The following ZFPM2 variants were observed in gnomAD, a reference collection of about 807,000 sequenced individuals.
The protein encoded by ZFPM2 is zinc finger protein ZFPM2.
ZFPM2 carries 20 observed loss-of-function variants against 98.6 expected under a neutral mutation model. The ratio of observed to expected loss-of-function variants is 0.20; its 90% confidence interval spans 0.14 to 0.29. The LOEUF (loss-of-function observed/expected upper bound fraction) is 0.29. ZFPM2 is among the 10% of genes least tolerant of loss of function. The probability of loss-of-function intolerance (pLI) is 1.00; values close to 1 mark genes in which losing one functional copy is unlikely to be tolerated. For synonymous variants in ZFPM2, 518 were observed against 502.7 expected, an observed-to-expected ratio of 1.03 and a Z score of -0.41; for missense variants, 1,310 against 1,388.6, an observed-to-expected ratio of 0.94 and a Z score of 0.90.
chr8:105,738,260 G>C (rs1225926821), intron 5 of ZFPM2, among the ~76,000 whole-genome samples: 1 of 152,036 alleles, frequency 6.6e-6, no homozygotes, highest in Non-Finnish European at 1.5e-5. Context: ...TTATAAGTGA[G>C]AGCATGAGGT....
intron 4 of ZFPM2, among the ~76,000 whole-genome samples, chr8:105,628,716 G>T (rs144003715): frequency 6.6e-6 from 1 of 151,840 alleles, no homozygotes; most frequent in Non-Finnish European, 1.5e-5. Context: ...TACCCACCCC[G>T]TCCCCTTTTC....
intron 5 of ZFPM2, among the ~76,000 whole-genome samples, chr8:105,687,517 A>G (rs188389374): frequency 6.6e-6 from 1 of 152,338 alleles, no homozygotes; most frequent in Admixed American, 6.5e-5. Flanking sequence ...AAACTTGTGA[A>G]GAAGATGTAA....
intron 3 of ZFPM2, among the ~76,000 whole-genome samples, chr8:105,458,335 CT>C (rs1221687137): frequency 1.3e-5 from 2 of 151,958 alleles, no homozygotes; most frequent in Admixed American, 1.3e-4. Context: ...TCAAAGATTC[CT>C]TTTTGTTTTC....
intron 5 of ZFPM2, among the ~76,000 whole-genome samples, chr8:105,746,847 C>G (rs529132252): frequency 3.2e-4 from 49 of 151,856 alleles, no homozygotes; most frequent in Non-Finnish European, 5.9e-4. Flanking sequence ...CCAGATACCA[C>G]CTGAAGACAT....
intron 1 of ZFPM2, among the ~76,000 whole-genome samples, chr8:105,410,575 T>C (rs1232839017): frequency 6.6e-6 from 1 of 151,952 alleles, no homozygotes; most frequent in East Asian, 1.9e-4. Context: ...TTTTTACTTG[T>C]ACTAGCTTAA....
chr8:105,425,627 C>T (rs1176605237), intron 2 of ZFPM2, among the ~76,000 whole-genome samples: 1 of 152,162 alleles, frequency 6.6e-6, no homozygotes, highest in Non-Finnish European at 1.5e-5. Context: ...TGAAATGTTT[C>T]CCCCCTCCTC....
At chr8:105,474,307 A>G (rs1812971021) in intron 3 of ZFPM2, among the ~76,000 whole-genome samples, 1 of 152,166 alleles carries the variant, frequency 6.6e-6, no homozygotes, top group South Asian at 2.1e-4. Flanking sequence ...TTAGTCTTCA[A>G]TTTTCAATCC....
chr8:105,442,720 C>T (rs1268078178), intron 2 of ZFPM2, among the ~76,000 whole-genome samples: 1 of 152,088 alleles, frequency 6.6e-6, no homozygotes, highest in East Asian at 1.9e-4. Flanking sequence ...CTACTCCTTA[C>T]CTTTATTACA....
At position 105,801,289 on chromosome 8, in the gene ZFPM2, G is replaced by T. The variant is rs1166203028; in HGVS notation, c.1207G>T (p.Ala403Ser). 1.9e-6 allele frequency: 3 copies of T among 1,613,728 alleles called. 1 individual carries two copies. In the Admixed American group the frequency reaches 5.0e-5, roughly 27 times the overall value. The change falls in exon 8 of 8, where the codon GCA becomes TCA. Residue 403 changes from alanine (A) to serine (S), a missense_variant. Transcript: ENST00000407775. ...AAGTGACATGGAACACTCTCCAAGT[G>T]CAACTGAAGACAGCTTACAGCCAGC... Reference protein sequence around the residue: ...RESDMEHSPSATEDSLQPATD... With the variant: ...RESDMEHSPSSTEDSLQPATD...
intron 5 of ZFPM2, among the ~76,000 whole-genome samples, chr8:105,685,518 C>CT (rs943532880): frequency 9.3e-5 from 14 of 151,218 alleles, no homozygotes; most frequent in Middle Eastern, 3.4e-3. Flanking sequence ...GGAAGCATTG[C>CT]TTTTTTTTTA....
At chr8:105,757,291 C>T (rs1214185495) in intron 5 of ZFPM2, among the ~76,000 whole-genome samples, 2 of 152,068 alleles carry the variant, frequency 1.3e-5, no homozygotes, top group Non-Finnish European at 2.9e-5. Flanking sequence ...AAGTTGAAGA[C>T]AGATAACTCT....
At chr8:105,795,893 A>AGTAG (rs1282879085) in intron 6 of ZFPM2, 2 of 359,724 alleles carry the variant, frequency 5.6e-6, no homozygotes, top group East Asian at 1.7e-4. Context: ...TTCTGAAGTT[A>AGTAG]GTAGGTAAGC....
chr8:105,699,380 A>G (rs769236801), intron 5 of ZFPM2, among the ~76,000 whole-genome samples: 1 of 152,184 alleles, frequency 6.6e-6, no homozygotes, highest in Non-Finnish European at 1.5e-5. Context: ...TGATGTTATT[A>G]AAGAGACTTT....
chr8:105,470,253 G>A (rs1812877225), intron 3 of ZFPM2, among the ~76,000 whole-genome samples: 1 of 152,024 alleles, frequency 6.6e-6, no homozygotes, highest in African/African-American at 2.4e-5. Context: ...ACAGAGTCAG[G>A]AGCCGGGACA....
intron 3 of ZFPM2, among the ~76,000 whole-genome samples, chr8:105,485,222 A>G (rs1156763586): frequency 2.0e-5 from 3 of 152,220 alleles, no homozygotes; most frequent in Non-Finnish European, 4.4e-5. Context: ...GACAGAGTCC[A>G]ACAGCCAGCC....
intron 5 of ZFPM2, among the ~76,000 whole-genome samples, chr8:105,661,502 T>G (rs1018336167): frequency 3.3e-5 from 5 of 152,194 alleles, no homozygotes; most frequent in Admixed American, 3.3e-4. Context: ...AGGAAATCTG[T>G]AAAATTTACC....
intron 3 of ZFPM2, among the ~76,000 whole-genome samples, chr8:105,505,670 T>C (rs903951840): frequency 2.6e-5 from 4 of 152,180 alleles, no homozygotes; most frequent in Non-Finnish European, 5.9e-5. Context: ...TCAAGTATTC[T>C]GCTACATTTC....
chr8:105,368,682 T>C (rs1197211765), intron 1 of ZFPM2, among the ~76,000 whole-genome samples: 1 of 152,156 alleles, frequency 6.6e-6, no homozygotes, highest in Non-Finnish European at 1.5e-5. Context: ...AAAATGACTG[T>C]GTTTTGCCCT....
chr8:105,328,414 T>C (rs1044983995), intron 1 of ZFPM2, among the ~76,000 whole-genome samples: 10 of 151,940 alleles, frequency 6.6e-5, no homozygotes, highest in African/African-American at 2.2e-4. Context: ...ATCCACAAAA[T>C]ATATGTATAT....
Sources: allele counts gnomAD v4.1 joint callset (sites outside exome capture counted in the v4.1 genomes callset), GRCh38; gene constraint gnomAD v4.1.1; transcripts MANE v1.5; gene names NCBI Gene and HGNC (gene_info 2026-07-23, HGNC 2026-07-21).